TRAPPC9: variants seen among roughly 807,000 people sequenced by gnomAD.
TRAPPC9 encodes the protein IKK2 binding protein.
In TRAPPC9, 83 loss-of-function variants were observed where a neutral mutation model predicts 124.0. The ratio of observed to expected loss-of-function variants is 0.67; its 90% CI spans 0.56 to 0.80. The LOEUF is 0.80. Among genes scored for constraint, TRAPPC9 ranks in the 30% least tolerant of loss-of-function variants. The probability of loss-of-function intolerance (pLI) is 0.00; values close to 1 mark genes in which losing one functional copy is unlikely to be tolerated. For missense variants in TRAPPC9, 1,302 were observed against 1,508.3 expected, an observed-to-expected ratio of 0.86 and a Z score of 2.27; for synonymous variants, 638 against 617.5, an observed-to-expected ratio of 1.03 and a Z score of -0.49.
chr8:139,799,121 T>C (rs1162564331), intron 21 of TRAPPC9, among the ~76,000 whole-genome samples: 1 of 152,176 alleles, frequency 6.6e-6, no homozygotes, highest in African/African-American at 2.4e-5. Context: ...TTGTAATCCC[T>C]AATGCTGGAG....
At chr8:139,953,726 A>G (rs921628599) in intron 19 of TRAPPC9, among the ~76,000 whole-genome samples, 5 of 152,188 alleles carry the variant, frequency 3.3e-5, no homozygotes, top group African/African-American at 1.2e-4. Flanking sequence ...AAACAGCCCA[A>G]CTTTATTTAA....
At chr8:140,007,336 C>T (rs1353832620) in intron 18 of TRAPPC9, among the ~76,000 whole-genome samples, 1 of 152,186 alleles carries the variant, frequency 6.6e-6, no homozygotes, top group Non-Finnish European at 1.5e-5. Context: ...ATTTGCAGCA[C>T]ATCAAGACAT....
rs117989433 is a variant in TRAPPC9 at position 140,270,697 on chromosome 8, G to A, written c.2278+4961C>T. Reference sequence around the variant, plus strand: ...CCAGAGCCCAGAGGATAAATGCTCCGGAGCTGAGGAGGCAGGAGGGGTGGG... The same window carrying A: ...CCAGAGCCCAGAGGATAAATGCTCCAGAGCTGAGGAGGCAGGAGGGGTGGG... On this transcript the variant is annotated intron_variant, in intron 15 of 22. Coordinates refer to ENST00000438773, the MANE Select transcript of TRAPPC9 (RefSeq NM_001160372.4). Among the ~76,000 whole-genome samples, 213 of 152,296 alleles carry A rather than the reference G, an allele frequency of 1.4e-3. 2 individuals carry two copies. Among genetic ancestry groups the A allele is most frequent in the East Asian group, 6.4e-3 (33 of 5,166 alleles).
rs1177286944 is a variant in TRAPPC9 at position 140,443,131 on chromosome 8, C to CAA, written c.585-3936_585-3935dup. On this transcript the variant is annotated intron_variant, in intron 2 of 22. Transcript: ENST00000438773. ...CTGGCAACGGAGCGAGACTCCATCT[C>CAA]AAAAAAAAAAAAAAAAAAAAAAAGC... Among the ~76,000 whole-genome samples, 130 of 43,884 alleles carry CAA rather than the reference C, an allele frequency of 3.0e-3. 6 individuals carry two copies. Among genetic ancestry groups the CAA allele is most frequent in the African/African-American group, 8.3e-3 (68 of 8,162 alleles). The allele number at this position is 43,884 out of a possible 152,430, so 28.8% of individuals were successfully genotyped here.
intron 2 of TRAPPC9, among the ~76,000 whole-genome samples, chr8:140,439,970 A>G (rs1437037900): frequency 6.6e-6 from 1 of 152,228 alleles, no homozygotes; most frequent in African/African-American, 2.4e-5. Context: ...GACGTTTCTA[A>G]GTAAATGAAT....
chr8:140,200,303 C>G lies in TRAPPC9; in HGVS notation c.2556+21156G>C, dbSNP rs113153507. On this transcript the variant is annotated intron_variant, in intron 17 of 22. Coordinates refer to ENST00000438773, the MANE Select transcript of TRAPPC9 (RefSeq NM_001160372.4). Reference sequence around the variant, plus strand: ...GCAAGGCCAACCGGGACAAGACCTTCGTAAAGAATTCCAAATAATGTCTGT... The same window carrying G: ...GCAAGGCCAACCGGGACAAGACCTTGGTAAAGAATTCCAAATAATGTCTGT... Among the ~76,000 whole-genome samples the G allele has an allele frequency of 6.2e-3, 950 of 152,262 alleles. 12 individuals carry two copies. The highest frequency in any genetic ancestry group is 0.022 in the African/African-American group (900 of 41,550).
chr8:140,286,059 C>T (rs887337631), intron 13 of TRAPPC9, among the ~76,000 whole-genome samples: 2 of 152,200 alleles, frequency 1.3e-5, no homozygotes, highest in East Asian at 1.9e-4. Flanking sequence ...AGGAGGCCAC[C>T]GCACAGGGGC....
intron 17 of TRAPPC9, among the ~76,000 whole-genome samples, chr8:140,050,347 C>T (rs760367941): frequency 6.6e-6 from 1 of 152,222 alleles, no homozygotes; most frequent in Non-Finnish European, 1.5e-5. Flanking sequence ...GCAGAATTAA[C>T]GTCTGTGGAA....
chr8:140,142,279 C>T (rs1394818085), intron 17 of TRAPPC9, among the ~76,000 whole-genome samples: 1 of 152,180 alleles, frequency 6.6e-6, no homozygotes, highest in Non-Finnish European at 1.5e-5. Flanking sequence ...TCTCCAAGTG[C>T]CAAGAATTGA....
chr8:140,013,407 C>T (rs60211956), intron 18 of TRAPPC9, among the ~76,000 whole-genome samples: 17,506 of 152,206 alleles, frequency 0.12, 1,876 homozygotes, highest in African/African-American at 0.28. Context: ...GTAGGTCCTC[C>T]GGCTGGTCAA....
intron 10 of TRAPPC9, 125 bp downstream of exon 10, chr8:140,311,123 G>A: frequency 6.9e-6 from 8 of 1,165,088 alleles, no homozygotes; most frequent in Non-Finnish European, 9.8e-6. Context: ...AGTTTAATGA[G>A]ATAATGAACC....
At chr8:140,402,630 A>G (rs2069318302) in intron 6 of TRAPPC9, among the ~76,000 whole-genome samples, 1 of 151,962 alleles carries the variant, frequency 6.6e-6, no homozygotes, top group African/African-American at 2.4e-5. Flanking sequence ...TGGGAGATAA[A>G]GGCTGCAATG....
At chr8:139,732,918 C>T (rs956629855) in intron 21 of TRAPPC9, among the ~76,000 whole-genome samples, 5 of 152,110 alleles carry the variant, frequency 3.3e-5, no homozygotes, top group African/African-American at 4.8e-5. Context: ...GCTTACATGC[C>T]CCAAGAGCTT....
At chr8:140,130,723 G>A (rs935541826) in intron 17 of TRAPPC9, among the ~76,000 whole-genome samples, 4 of 152,148 alleles carry the variant, frequency 2.6e-5, no homozygotes, top group Non-Finnish European at 4.4e-5. Context: ...AGAGAATGCT[G>A]TGTGTTGTTT....
chr8:139,874,745 C>G (rs984186622), intron 21 of TRAPPC9, among the ~76,000 whole-genome samples: 1 of 152,162 alleles, frequency 6.6e-6, no homozygotes, highest in Non-Finnish European at 1.5e-5. Flanking sequence ...GCCTTCTGAG[C>G]CAAAGGCCAG....
At chr8:140,144,143 C>CT (rs1282416758) in intron 17 of TRAPPC9, among the ~76,000 whole-genome samples, 1 of 152,166 alleles carries the variant, frequency 6.6e-6, no homozygotes, top group African/African-American at 2.4e-5. Context: ...TGGCCACATC[C>CT]TTCAGTTTAT....
intron 19 of TRAPPC9, among the ~76,000 whole-genome samples, chr8:139,961,893 G>T (rs1465569228): frequency 8.1e-6 from 1 of 123,968 alleles, no homozygotes; most frequent in African/African-American, 2.6e-5. Flanking sequence ...AGGACAAACA[G>T]GGCAGAGAGA....
At chr8:140,095,189 A>T (rs1844851571) in intron 17 of TRAPPC9, 1 of 152,264 alleles carries the variant, frequency 6.6e-6, no homozygotes, top group Admixed American at 6.5e-5. Flanking sequence ...AGGCTTCAGC[A>T]GGTCTTCAAC....
chr8:139,847,200 C>T (rs111384098), intron 21 of TRAPPC9, among the ~76,000 whole-genome samples: 89 of 152,318 alleles, frequency 5.8e-4, no homozygotes, highest in African/African-American at 2.1e-3. Flanking sequence ...AAACTAAGGG[C>T]TTTTGCCAGC....
Sources: allele counts gnomAD v4.1 joint callset (sites outside exome capture counted in the v4.1 genomes callset), GRCh38; gene constraint gnomAD v4.1.1; transcripts MANE v1.5; gene names NCBI Gene and HGNC (gene_info 2026-07-23, HGNC 2026-07-21).